Variants in SNX29 observed in about 807,000 individuals in gnomAD.
SNX29 encodes the protein sorting nexin-29.
SNX29 carries 78 observed loss-of-function variants against 102.1 expected under a neutral mutation model. The observed-to-expected ratio is 0.76, with a 90% CI of 0.64 to 0.92. The LOEUF (loss-of-function observed/expected upper bound fraction) is 0.92. Ranked by LOEUF, SNX29 falls within the 40% of genes least tolerant of loss-of-function variation. The pLI, the probability that SNX29 is intolerant of heterozygous loss-of-function variation, is 0.00. For missense variants in SNX29, 1,280 were observed against 1,061.7 expected, an observed-to-expected ratio of 1.21 and a Z score of -2.86; for synonymous variants, 580 against 414.5, an observed-to-expected ratio of 1.40 and a Z score of -4.85.
rs1286174976 is a variant in SNX29, at chr16:12,118,313, C to CTTTCTTTTTTTTT, written c.1403-8317_1403-8316insCTTTTTTTTTTTT. The stretch of plus-strand genomic sequence containing the variant: ...TGTAGATAGTAGATATACAGACCAC[C>CTTTCTTTTTTTTT]TTTTTTTTTTTTTTTTTTTTTTTAT... On this transcript the variant is annotated intron_variant, in intron 11 of 20. Coordinates refer to ENST00000566228, the MANE Select transcript of SNX29 (RefSeq NM_032167.5). Among the ~76,000 whole-genome samples the CTTTCTTTTTTTTT allele has an allele frequency of 4.7e-3, 403 of 86,104 alleles. 23 individuals are homozygous for CTTTCTTTTTTTTT. The East Asian group carries it at 0.06, about 13-fold the overall frequency. The allele number at this position is 86,104 out of a possible 152,430, so 56.5% of individuals were successfully genotyped here.
chr16:12,326,041 T>G (rs1049842313), intron 15 of SNX29, among the ~76,000 whole-genome samples: 11 of 151,688 alleles, frequency 7.3e-5, no homozygotes, highest in African/African-American at 2.4e-4. Flanking sequence ...TTTCTTGTTT[T>G]TTGAGATGGA....
chr16:12,269,946 C>T (rs1040434926), intron 14 of SNX29, among the ~76,000 whole-genome samples: 57 of 152,034 alleles, frequency 3.7e-4, no homozygotes, highest in African/African-American at 1.3e-3. Flanking sequence ...CTGCAGTTTC[C>T]ATCTCCCAGG....
At chr16:12,438,311 A>G (rs2151657803) in intron 18 of SNX29, among the ~76,000 whole-genome samples, 1 of 152,102 alleles carries the variant, frequency 6.6e-6, no homozygotes, top group Admixed American at 6.5e-5. Context: ...GGAAACTTTG[A>G]CCTAATTTGA....
At chr16:12,123,524 C>T (rs2054070793) in intron 11 of SNX29, among the ~76,000 whole-genome samples, 1 of 152,032 alleles carries the variant, frequency 6.6e-6, no homozygotes, top group South Asian at 2.1e-4. Context: ...ATACATAATA[C>T]ATATATATCA....
At position 12,336,152 on chromosome 16, in the gene SNX29, A is replaced by G. The variant is rs548117852; in HGVS notation, c.1783-20011A>G. On this transcript the variant is annotated intron_variant, in intron 15 of 20. Transcript: ENST00000566228. Reference sequence around the variant, plus strand: ...TTAGGCCATCACCACAGACCCAGAGACATTGATTATTCTCAGAGTAGCTAA... The same window carrying G: ...TTAGGCCATCACCACAGACCCAGAGGCATTGATTATTCTCAGAGTAGCTAA... Among the ~76,000 whole-genome samples the G allele has an allele frequency of 3.3e-5, 5 of 152,056 alleles. No individual in the cohort carries two copies. In the East Asian group the frequency reaches 9.7e-4, roughly 30 times the overall value.
chr16:12,565,414 T>G (rs999456784), intron 20 of SNX29, among the ~76,000 whole-genome samples: 1 of 147,708 alleles, frequency 6.8e-6, no homozygotes, highest in African/African-American at 2.6e-5. Context: ...TTGTCCCAAA[T>G]GAAGCCCATC....
chr16:12,242,982 G>C (rs749730626), intron 14 of SNX29, among the ~76,000 whole-genome samples: 2 of 152,158 alleles, frequency 1.3e-5, no homozygotes, highest in Non-Finnish European at 2.9e-5. Flanking sequence ...GCATCTCTCA[G>C]TTCAGCAGGA....
At chr16:12,301,752 C>G (rs148625411) in intron 15 of SNX29, among the ~76,000 whole-genome samples, 6 of 152,314 alleles carry the variant, frequency 3.9e-5, no homozygotes, top group African/African-American at 1.4e-4. Context: ...CACTAAAAGA[C>G]TGTGACATTA....
At chr16:12,551,966 C>T (rs959835201) in intron 20 of SNX29, among the ~76,000 whole-genome samples, 1 of 152,196 alleles carries the variant, frequency 6.6e-6, no homozygotes, top group Admixed American at 6.5e-5. Flanking sequence ...CCAGGCTGTG[C>T]CCAACACAGT....
At chr16:12,199,248 C>T (rs910125189) in intron 13 of SNX29, among the ~76,000 whole-genome samples, 1 of 152,208 alleles carries the variant, frequency 6.6e-6, no homozygotes, top group African/African-American at 2.4e-5. Flanking sequence ...GTACATGCTT[C>T]TGCAAATGGA....
intron 20 of SNX29, among the ~76,000 whole-genome samples, chr16:12,540,606 C>T (rs779866600): frequency 9.9e-5 from 15 of 152,158 alleles, no homozygotes; most frequent in Non-Finnish European, 1.3e-4. Flanking sequence ...CCTGAGATTC[C>T]ATGGGGTGGA....
intron 11 of SNX29, among the ~76,000 whole-genome samples, chr16:12,079,634 T>G (rs969888949): frequency 1.3e-5 from 2 of 152,160 alleles, no homozygotes; most frequent in Admixed American, 1.3e-4. Context: ...AACAGTTGGT[T>G]TATTTTTTGT....
chr16:12,194,727 AGC>A (rs2076728075), intron 13 of SNX29, among the ~76,000 whole-genome samples: 2 of 151,210 alleles, frequency 1.3e-5, no homozygotes, highest in African/African-American at 4.9e-5. Context: ...CCCAGGTTCA[AGC>A]AATTCTTGTG....
At chr16:12,083,833 G>A (rs1249988083) in intron 11 of SNX29, among the ~76,000 whole-genome samples, 1 of 152,194 alleles carries the variant, frequency 6.6e-6, no homozygotes, top group Non-Finnish European at 1.5e-5. Flanking sequence ...CTCACATCCC[G>A]CCAAGTGGCT....
At chr16:12,185,642 C>T (rs2076491966) in intron 13 of SNX29, among the ~76,000 whole-genome samples, 2 of 152,194 alleles carry the variant, frequency 1.3e-5, no homozygotes, top group South Asian at 2.1e-4. Flanking sequence ...ATCCTTACTG[C>T]ATTCGCAGTC....
At chr16:12,378,842 C>T (rs1017677373) in intron 16 of SNX29, among the ~76,000 whole-genome samples, 10 of 152,198 alleles carry the variant, frequency 6.6e-5, no homozygotes, top group Non-Finnish European at 1.2e-4. Flanking sequence ...AAACAGCAGT[C>T]GCTGCAGTGT....
rs577051646 is a variant in SNX29 at position 12,163,123 on chromosome 16, A to C, written c.1595+33365A>C. ...TCTCGAACTCCTGACCTCAGGTGAT[A>C]CGCCCACCTTGGCCTCCCAAAGTCC... On this transcript the variant is annotated intron_variant, in intron 13 of 20. Transcript: ENST00000566228. Among the ~76,000 whole-genome samples the C allele has an allele frequency of 2.2e-3, 341 of 152,158 alleles. 2 individuals are homozygous for C. The highest frequency in any genetic ancestry group is 7.6e-3 in the African/African-American group (315 of 41,522).
intron 18 of SNX29, among the ~76,000 whole-genome samples, chr16:12,458,878 T>C (rs1213887281): frequency 6.6e-6 from 1 of 152,246 alleles, no homozygotes; most frequent in African/African-American, 2.4e-5. Context: ...AGATTCTCTG[T>C]TGGTCTCAGG....
intron 14 of SNX29, among the ~76,000 whole-genome samples, chr16:12,228,697 C>T (rs1006144187): frequency 6.6e-6 from 1 of 152,232 alleles, no homozygotes; most frequent in Non-Finnish European, 1.5e-5. Context: ...TGTTCTCTGC[C>T]TGTATCACCT....
Sources: allele counts gnomAD v4.1 joint callset (sites outside exome capture counted in the v4.1 genomes callset), GRCh38; gene constraint gnomAD v4.1.1; transcripts MANE v1.5; gene names NCBI Gene and HGNC (gene_info 2026-07-23, HGNC 2026-07-21).